Variants in OPHN1 observed in about 807,000 individuals in gnomAD.
OPHN1 encodes oligophrenin 1, also known as oligophrenin-1.
OPHN1 carries 11 observed loss-of-function variants against 60.7 expected under a neutral mutation model. The ratio of observed to expected loss-of-function variants is 0.18; its 90% CI spans 0.11 to 0.30. OPHN1 has a LOEUF of 0.30. OPHN1 is among the 10% of genes least tolerant of loss of function. OPHN1 has a pLI of 1.00. For missense variants in OPHN1, 449 were observed against 611.0 expected (o/e 0.73, Z 2.80); for synonymous variants, 226 against 222.6 (o/e 1.02, Z -0.14).
At chrX:68,097,950 CTGT>C (rs1406404286) in intron 18 of OPHN1, among the ~76,000 whole-genome samples, 1 of 111,048 alleles carries the variant, frequency 9.0e-6, no homozygotes, top group East Asian at 2.8e-4. Context: ...TGGGAAGTAT[CTGT>C]TGTTATTATT....
chrX:68,274,764 G>T lies in OPHN1; in HGVS notation c.358C>A (p.Arg120=). 9.1e-6 allele frequency: 11 copies of T among 1,204,963 alleles called. No homozygotes were observed. The highest frequency in any genetic ancestry group is 1.2e-5 in the Non-Finnish European group (11 of 890,381). Residue 120 remains arginine, a synonymous_variant, in exon 5 of 25, where the codon CGG becomes AGG. Coordinates refer to ENST00000355520, the MANE Select transcript of OPHN1 (RefSeq NM_002547.3). ...DLLIKPLENF[R]KEQIGFTKER... ...TTGGTGAAGCCTATTTGTTCCTTCC[G>T]GAAATTTTCCAAGGGTTTAATCAGC...
chrX:68,317,087 C>T (rs1265802105), intron 2 of OPHN1, among the ~76,000 whole-genome samples: 1 of 108,794 alleles, frequency 9.2e-6, no homozygotes, highest in African/African-American at 3.3e-5. Context: ...TTGCTTGAGC[C>T]CAGGAGCTCG....
chrX:68,092,766 G>A (rs1294342737), intron 19 of OPHN1, among the ~76,000 whole-genome samples: 3 of 111,444 alleles, frequency 2.7e-5, no homozygotes, highest in Non-Finnish European at 5.7e-5. Flanking sequence ...TGGGATTGAG[G>A]TCATTTGCCA....
chrX:68,190,762 T>C (rs1251201061), intron 15 of OPHN1, among the ~76,000 whole-genome samples: 1 of 112,364 alleles, frequency 8.9e-6, no homozygotes, highest in African/African-American at 3.2e-5. Context: ...TGAATAAATA[T>C]CTGAGTTCAA....
chrX:68,170,355 C>A (rs867959184), intron 15 of OPHN1, among the ~76,000 whole-genome samples: 1,945 of 105,124 alleles, frequency 0.019, 26 homozygotes, highest in Non-Finnish European at 0.028. Flanking sequence ...TAGTTCAACC[C>A]TTGTGGAAGT....
chrX:68,218,542 A>T (rs780785760), intron 6 of OPHN1, among the ~76,000 whole-genome samples: 1 of 110,559 alleles, frequency 9.0e-6, no homozygotes, highest in South Asian at 4.0e-4. Context: ...AGGTCGGGTT[A>T]CCCTCAAAGG....
intron 6 of OPHN1, among the ~76,000 whole-genome samples, chrX:68,214,969 C>T (rs1432835534): frequency 6.3e-5 from 7 of 111,532 alleles, no homozygotes; most frequent in Non-Finnish European, 1.1e-4. Context: ...TGCACTCCAG[C>T]CTGGGTGACA....
chrX:68,262,464 C>T (rs1458717870), intron 5 of OPHN1, among the ~76,000 whole-genome samples: 1 of 111,790 alleles, frequency 8.9e-6, no homozygotes, highest in Non-Finnish European at 1.9e-5. Context: ...GATGAAACTG[C>T]AGATCACACA....
Position 68,364,343 on chromosome X carries a change from T to A in OPHN1, c.155-65247A>T, listed in dbSNP as rs188971754. Among the ~76,000 whole-genome samples, 11 of 112,265 alleles carry A rather than the reference T, an allele frequency of 9.8e-5. No individual in the cohort carries two copies. In the East Asian group the frequency reaches 3.1e-3, roughly 31 times the overall value. On this transcript the variant is annotated intron_variant, in intron 2 of 24. Coordinates refer to ENST00000355520, the MANE Select transcript of OPHN1 (RefSeq NM_002547.3). ...CCTATTTGTGTGTTAGCCAGAGAAG[T>A]AACATTTTTCCCCCAGAAATCTATT...
intron 5 of OPHN1, among the ~76,000 whole-genome samples, chrX:68,262,083 C>T (rs1392426105): frequency 2.7e-5 from 3 of 111,166 alleles, no homozygotes; most frequent in Non-Finnish European, 5.7e-5. Context: ...GTAAGCAGTA[C>T]AAGAAGTAAA....
chrX:68,090,507 G>T (rs1238867332), intron 19 of OPHN1, among the ~76,000 whole-genome samples: 3 of 111,004 alleles, frequency 2.7e-5, no homozygotes, highest in African/African-American at 9.8e-5. Flanking sequence ...AGGAGAGACA[G>T]ACCAGGACTG....
chrX:68,318,461 T>C (rs1352939189), intron 2 of OPHN1, among the ~76,000 whole-genome samples: 2 of 112,258 alleles, frequency 1.8e-5, no homozygotes, highest in Non-Finnish European at 3.8e-5. Flanking sequence ...ATAGCTCCTT[T>C]TTAAAAAATC....
At chrX:68,364,081 G>C (rs2078487001) in intron 2 of OPHN1, among the ~76,000 whole-genome samples, 1 of 111,794 alleles carries the variant, frequency 8.9e-6, no homozygotes, top group African/African-American at 3.2e-5. Context: ...CGAGAGACTG[G>C]ATTTTCTCAA....
At chrX:68,416,894 C>T (rs1447019044) in intron 2 of OPHN1, among the ~76,000 whole-genome samples, 1 of 111,740 alleles carries the variant, frequency 8.9e-6, no homozygotes, top group Non-Finnish European at 1.9e-5. Flanking sequence ...ATTGCAAAAG[C>T]AGTCACAGAC....
chrX:68,430,560 T>C (rs1234719155), intron 2 of OPHN1, among the ~76,000 whole-genome samples: 1 of 111,525 alleles, frequency 9.0e-6, no homozygotes, highest in East Asian at 2.8e-4. Flanking sequence ...TGGTGGCTCA[T>C]CCCTGCAATC....
At chrX:68,335,083 G>A (rs997314971) in intron 2 of OPHN1, among the ~76,000 whole-genome samples, 12 of 108,686 alleles carry the variant, frequency 1.1e-4, no homozygotes, top group Non-Finnish European at 2.1e-4. Context: ...TACATGCTTC[G>A]CAGTTTACAA....
intron 2 of OPHN1, among the ~76,000 whole-genome samples, chrX:68,326,022 C>T (rs1167643234): frequency 2.4e-4 from 2 of 8,427 alleles, no homozygotes; most frequent in Non-Finnish European, 3.3e-4. Context: ...CGCGCCGCCA[C>T]GCCTGACTGG....
chrX:68,412,065 G>A (rs2078772060), intron 2 of OPHN1, among the ~76,000 whole-genome samples: 1 of 111,370 alleles, frequency 9.0e-6, no homozygotes, highest in Non-Finnish European at 1.9e-5. Flanking sequence ...AAACTTCACA[G>A]GCAGAGCCCT....
intron 15 of OPHN1, among the ~76,000 whole-genome samples, chrX:68,119,884 G>T (rs893344181): frequency 4.5e-5 from 5 of 111,498 alleles, no homozygotes; most frequent in African/African-American, 1.3e-4. Context: ...CTTCCAGCAG[G>T]GGGGAAAGAT....
Sources: gnomAD v4.1 joint callset for allele counts (sites outside exome capture counted in the v4.1 genomes callset) on GRCh38, gnomAD v4.1.1 for gene constraint, MANE v1.5 for transcripts, NCBI Gene and HGNC (gene_info 2026-07-23, HGNC 2026-07-21) for gene names.